IL22: variants seen among roughly 807,000 people sequenced by gnomAD.
The protein encoded by IL22 is interleukin 22, also known as interleukin-22.
In IL22, 15 loss-of-function variants were observed where a neutral mutation model predicts 15.5. That is an observed-to-expected ratio of 0.97 (90% CI 0.65 to 1.49). The LOEUF is 1.49. IL22 is among the 40% of genes most tolerant of loss of function. The pLI is 0.00. For missense variants in IL22, 225 were observed against 215.4 expected (o/e 1.04, Z -0.28); for synonymous variants, 91 against 82.0 (o/e 1.11, Z -0.60).
At position 68,250,465 on chromosome 12, in the gene IL22, G is replaced by A. The variant is rs2227498; in HGVS notation, c.462+1048C>T. ...CATTAAATGATGCTCAGGAAGAAAC[G>A]CTTTTTTAAAAAGTCAAGAGGGAAA... On this transcript the variant is annotated intron_variant, in intron 5 of 5. Transcript: ENST00000538666. 7.8e-3 allele frequency among the ~76,000 whole-genome samples: 1,190 copies of A among 152,234 alleles called. 16 individuals are homozygous for A. The highest frequency in any genetic ancestry group is 0.027 in the African/African-American group (1,135 of 41,546).
chr12:68,252,787 C>T lies in IL22; in HGVS notation c.229G>A (p.Glu77Lys), dbSNP rs201505783. Residue 77 changes from glutamate (E) to lysine (K), a missense_variant, in exon 3 of 6, where the codon GAG becomes AAG. By Grantham distance (56) the Glu-to-Lys change is moderately conservative. Transcript: ENST00000538666. Reference sequence around the variant, plus strand: ...ACACTGACTCCGTGGAACAGTTTCTCCCCAATGAGACGAACGTCTGTGTTG... The same window carrying T: ...ACACTGACTCCGTGGAACAGTTTCTTCCCAATGAGACGAACGTCTGTGTTG... ...DNNTDVRLIGEKLFHGVSMSE... is the reference protein window; with the variant it reads ...DNNTDVRLIGKKLFHGVSMSE... 6.2e-6 allele frequency: 10 copies of T among 1,613,826 alleles called. No individual in the cohort carries two copies. The highest frequency in any genetic ancestry group is 1.3e-5 in the African/African-American group (1 of 74,894).
rs138254062 is a variant in IL22 at position 68,250,057 on chromosome 12, C to G, written c.463-1181G>C. 1.3e-3 allele frequency among the ~76,000 whole-genome samples: 202 copies of G among 152,284 alleles called. 1 individual carries two copies. Among genetic ancestry groups the G allele is most frequent in the African/African-American group, 4.8e-3 (198 of 41,560 alleles). On this transcript the variant is annotated intron_variant, in intron 5 of 5. Transcript: ENST00000538666. ...ACCACCCTATTTCAGACAGCTCTGA[C>G]AGTTTCTCCTCCTGTTGATCTTTCT...
rs1241356091 is a variant in IL22 at position 68,248,767 on chromosome 12, G to A, written c.*32C>T. ...ATTGTTATTTCTAGCAGGGAAAGGG[G>A]GTTAGTTATTCATTTTTCAGCTTTG... On this transcript the variant is annotated 3_prime_UTR_variant, in exon 6 of 6. Coordinates refer to ENST00000538666, the MANE Select transcript of IL22 (RefSeq NM_020525.5). 17 of 1,543,522 alleles carry A rather than the reference G, an allele frequency of 1.1e-5. No individual in the cohort carries two copies. The highest frequency in any genetic ancestry group is 1.3e-5 in the Non-Finnish European group (15 of 1,120,230).
intron 5 of IL22, 128 bp from the exon 6 acceptor site, chr12:68,249,004 T>C (rs1869831885): frequency 4.1e-6 from 3 of 733,680 alleles, no homozygotes; most frequent in Non-Finnish European, 7.1e-6. Context: ...AAAACATTCA[T>C]AGTAATATCC....
In IL22 at chr12:68,252,764, A is replaced by G. The variant is rs551071598; in HGVS notation, c.252T>C (p.Ser84=). Residue 84 remains serine, a splice_region_variant and synonymous_variant, in exon 3 of 6, where the codon AGT becomes AGC. Coordinates refer to ENST00000538666, the MANE Select transcript of IL22 (RefSeq NM_020525.5). ...LIGEKLFHGV[S]MSERCYLMKQ... ...CCTGTTCGTCACAACTGTAGCTTAC[A>G]CTGACTCCGTGGAACAGTTTCTCCC... The G allele has an allele frequency of 3.1e-6, 5 of 1,613,868 alleles. No individual in the cohort carries two copies. The highest frequency in any genetic ancestry group is 1.3e-5 in the African/African-American group (1 of 75,036).
In IL22 at chr12:68,251,402, G is replaced by T. The variant is rs1869925152; in HGVS notation, c.462+111C>A. 5.1e-6 allele frequency: 4 copies of T among 790,502 alleles called. No individual in the cohort carries two copies. The Admixed American group carries it at 7.2e-5, about 14-fold the overall frequency. 49.0% of individuals were successfully genotyped at this position (790,502 alleles called of 1,614,324 possible). A position where few individuals can be genotyped will look rare whatever the true frequency, so the allele number is the denominator to read the frequency against. ...CAGACACCAAAGTAATCGCCCTGGTGGTAGGAGAATCAAGTGAAAAATCAC... is the reference window on the plus strand; with the variant it reads ...CAGACACCAAAGTAATCGCCCTGGTTGTAGGAGAATCAAGTGAAAAATCAC... On this transcript the variant is annotated intron_variant, in intron 5 of 5. Coordinates refer to ENST00000538666, the MANE Select transcript of IL22 (RefSeq NM_020525.5).
intron 5 of IL22, 120 bp downstream of exon 5, chr12:68,251,393 C>A: frequency 1.4e-6 from 1 of 739,860 alleles, no homozygotes; most frequent in Non-Finnish European, 2.4e-6. Context: ...CCAAAGTAAT[C>A]GCCCTGGTGG....
At chr12:68,250,964 T>G (rs1179866252) in intron 5 of IL22, among the ~76,000 whole-genome samples, 2 of 152,202 alleles carry the variant, frequency 1.3e-5, no homozygotes, top group African/African-American at 4.8e-5. Flanking sequence ...AAATAAGTGT[T>G]TATTACTCCA....
Position 68,253,285 on chromosome 12 carries a change from C to G in IL22, c.164G>C (p.Arg55Pro), listed in dbSNP as rs749469711. Residue 55 changes from arginine (R) to proline (P), a missense_variant, in exon 2 of 6, where the codon CGC becomes CCC. Physicochemically the swap from Arg to Pro is moderately radical, Grantham distance 103 (BLOSUM62 -2). Transcript: ENST00000538666. ...TACCTCCTTAGCCAGCATGAAGGTG[C>G]GGTTGGTGATATAGGGCTGCTGGAA... ...SNFQQPYITN[R>P]TFMLAKEASL... 6.2e-7 allele frequency: 1 copy of G among 1,612,818 alleles called. No homozygotes were observed. Among genetic ancestry groups the G allele is most frequent in the African/African-American group, 1.3e-5 (1 of 74,788 alleles).
chr12:68,252,439 T>A (rs1015985763), intron 4 of IL22, 65 bp downstream of exon 4: 2 of 1,541,340 alleles, frequency 1.3e-6, no homozygotes, highest in Non-Finnish European at 1.8e-6. Context: ...AGAGTTGGGG[T>A]AAGGGGGTCT....
chr12:68,252,701 A>G, intron 3 of IL22, 54 bp from the exon 4 acceptor site: 1 of 1,612,852 alleles, frequency 6.2e-7, no homozygotes, highest in South Asian at 1.1e-5. Context: ...CTAAACCATC[A>G]TCACCACCAC....
Position 68,248,716 on chromosome 12 carries a change from TA to T in IL22, c.*82del, listed in dbSNP as rs923122655. The T allele has an allele frequency of 1.3e-4, 145 of 1,103,636 alleles. No homozygotes were observed. The highest frequency in any genetic ancestry group is 1.1e-4 in the South Asian group (8 of 71,400). The allele number at this position is 1,103,636 out of a possible 1,614,324, so 68.4% of individuals were successfully genotyped here. A position where few individuals can be genotyped will look rare whatever the true frequency, so the allele number is the denominator to read the frequency against. ...TTTGGCTTCCCATCTTCCTTTTGGT[TA>T]AAAAAAATCGCTTTGGGGCATCTAA... On this transcript the variant is annotated 3_prime_UTR_variant, in exon 6 of 6. Coordinates refer to ENST00000538666, the MANE Select transcript of IL22 (RefSeq NM_020525.5).
intron 5 of IL22, 31 bp from the exon 6 acceptor site, chr12:68,248,907 G>A (rs1869829097): frequency 1.3e-6 from 2 of 1,537,696 alleles, no homozygotes; most frequent in Admixed American, 1.7e-5. Flanking sequence ...AAGTATTTGA[G>A]CATTTATGCC....
Position 68,248,745 on chromosome 12 carries a change from G to T in IL22, c.*54C>A. The T allele has an allele frequency of 1.4e-6, 2 of 1,439,582 alleles. No homozygotes were observed. Among genetic ancestry groups the T allele is most frequent in the East Asian group, 2.3e-5 (1 of 43,348 alleles). 89.2% of individuals were successfully genotyped at this position (1,439,582 alleles called of 1,614,324 possible). ...AAAAATCGCTTTGGGGCATCTAATT[G>T]TTATTTCTAGCAGGGAAAGGGGGTT... is the stretch of plus-strand genomic sequence containing the variant. On this transcript the variant is annotated 3_prime_UTR_variant, in exon 6 of 6. Coordinates refer to ENST00000538666, the MANE Select transcript of IL22 (RefSeq NM_020525.5).
intron 5 of IL22, among the ~76,000 whole-genome samples, chr12:68,249,532 A>G: frequency 6.6e-6 from 1 of 152,252 alleles, no homozygotes. Context: ...CCAATACATT[A>G]AGGCTTTTTC....
In IL22 at chr12:68,248,558, A is replaced by T. The variant is rs992543564; in HGVS notation, c.*241T>A. The T allele has an allele frequency of 4.9e-6, 2 of 406,950 alleles. No homozygotes were observed. The highest frequency in any genetic ancestry group is 8.7e-6 in the Non-Finnish European group (2 of 228,918). 25.2% of individuals were successfully genotyped at this position (406,950 alleles called of 1,614,324 possible). On this transcript the variant is annotated 3_prime_UTR_variant, in exon 6 of 6. Transcript: ENST00000538666. ...AATTGTTTTCTGTGTATAGAACACC[A>T]GTTACAATGAAATGTTATCAATAAA...
chr12:68,251,725 G>A, intron 4 of IL22, 147 bp from the exon 5 acceptor site: 1 of 627,932 alleles, frequency 1.6e-6, no homozygotes. Flanking sequence ...CAGTGACCTA[G>A]ATTTCCTGAG....
intron 3 of IL22, 51 bp from the exon 4 acceptor site, chr12:68,252,698 A>G (rs377472875): frequency 5.0e-6 from 8 of 1,612,574 alleles, no homozygotes; most frequent in Non-Finnish European, 5.9e-6. Flanking sequence ...GACCTAAACC[A>G]TCATCACCAC....
chr12:68,251,810 T>A (rs1445328604), intron 4 of IL22, among the ~76,000 whole-genome samples: 1 of 152,192 alleles, frequency 6.6e-6, no homozygotes, highest in African/African-American at 2.4e-5. Flanking sequence ...TGGGAAATCC[T>A]ACTGAGGTTT....
Sources: gnomAD v4.1 joint callset for allele counts (sites outside exome capture counted in the v4.1 genomes callset) on GRCh38, gnomAD v4.1.1 for gene constraint, MANE v1.5 for transcripts, NCBI Gene and HGNC (gene_info 2026-07-23, HGNC 2026-07-21) for gene names.